Variants in SEMA5A observed in about 807,000 individuals in gnomAD.
The protein encoded by SEMA5A is semaphorin 5A.
In SEMA5A, 55 loss-of-function variants were observed where a neutral mutation model predicts 135.5. That is an observed-to-expected ratio of 0.41 (90% CI 0.33 to 0.51). The LOEUF is 0.51. SEMA5A is among the 20% of genes least tolerant of loss of function. The pLI is 0.37. For synonymous variants in SEMA5A, 580 were observed against 546.5 expected (o/e 1.06, Z -0.85); for missense variants, 1,290 against 1,419.9 (o/e 0.91, Z 1.47).
chr5:9,453,496 G>T (rs1362934857), intron 1 of SEMA5A, among the ~76,000 whole-genome samples: 1 of 152,154 alleles, frequency 6.6e-6, no homozygotes. Flanking sequence ...GTGCAGGAAG[G>T]CTGTGATGTG....
At chr5:9,536,880 C>G (rs1278336182) in intron 1 of SEMA5A, among the ~76,000 whole-genome samples, 1 of 152,166 alleles carries the variant, frequency 6.6e-6, no homozygotes, top group Admixed American at 6.5e-5. Flanking sequence ...AACTTCAGAA[C>G]AGTGACAGGA....
rs1735771546 is a variant in SEMA5A, at chr5:9,038,451, T to C, written c.*4446A>G. ...TGAAGTGTAAAGGATACCCGGACCC[T>C]AAAGAAAGCTGATGGTTCAGGGACA... On this transcript the variant is annotated 3_prime_UTR_variant, in exon 23 of 23. Coordinates refer to ENST00000382496, the MANE Select transcript of SEMA5A (RefSeq NM_003966.3). 1 of 152,136 alleles carries C rather than the reference T, an allele frequency of 6.6e-6. No individual in the cohort carries two copies. Among genetic ancestry groups the C allele is most frequent in the Non-Finnish European group, 1.5e-5 (1 of 68,030 alleles). The allele number at this position is 152,136 out of a possible 1,614,324, so 9.4% of individuals were successfully genotyped here.
rs145483056 is a variant in SEMA5A at position 9,410,194 on chromosome 5, GA to G, written c.-78+27561del. On this transcript the variant is annotated intron_variant, in intron 2 of 22. Transcript: ENST00000382496. ...ATTCACCTATACCTATAATAACTGG[GA>G]AAAAAATCATATGATCATGTAGGTC... is the stretch of plus-strand genomic sequence containing the variant. Among the ~76,000 whole-genome samples the G allele has an allele frequency of 5.3e-5, 8 of 151,646 alleles. No individual in the cohort carries two copies. In the South Asian group the frequency reaches 6.3e-4, roughly 12 times the overall value.
chr5:9,442,875 G>C (rs1477526313), intron 1 of SEMA5A, among the ~76,000 whole-genome samples: 1 of 152,090 alleles, frequency 6.6e-6, no homozygotes, highest in Non-Finnish European at 1.5e-5. Flanking sequence ...TGAATTTAGG[G>C]CAATAAACTA....
intron 5 of SEMA5A, among the ~76,000 whole-genome samples, chr5:9,282,559 A>T (rs1750595045): frequency 6.6e-6 from 1 of 152,208 alleles, no homozygotes; most frequent in Admixed American, 6.5e-5. Flanking sequence ...GCATTATATG[A>T]CGTATATTTA....
At chr5:9,397,197 G>C (rs1756444795) in intron 2 of SEMA5A, among the ~76,000 whole-genome samples, 1 of 152,254 alleles carries the variant, frequency 6.6e-6, no homozygotes, top group African/African-American at 2.4e-5. Context: ...CACACACATA[G>C]TTGCACACCC....
At chr5:9,323,155 T>C (rs1424841679) in intron 4 of SEMA5A, among the ~76,000 whole-genome samples, 1 of 152,184 alleles carries the variant, frequency 6.6e-6, no homozygotes, top group African/African-American at 2.4e-5. Context: ...TCTTAACTTA[T>C]AAAATGAAAG....
chr5:9,305,302 G>A (rs1751806747), intron 5 of SEMA5A, among the ~76,000 whole-genome samples: 1 of 151,940 alleles, frequency 6.6e-6, no homozygotes, highest in African/African-American at 2.4e-5. Context: ...AATAATCTAT[G>A]AAGCCTTTTG....
At chr5:9,078,882 C>T (rs1738216437) in intron 16 of SEMA5A, among the ~76,000 whole-genome samples, 1 of 151,888 alleles carries the variant, frequency 6.6e-6, no homozygotes, top group Non-Finnish European at 1.5e-5. Flanking sequence ...GCAGCATAGG[C>T]CACTAATAGT....
At chr5:9,374,043 T>C (rs553691168) in intron 3 of SEMA5A, among the ~76,000 whole-genome samples, 2 of 152,344 alleles carry the variant, frequency 1.3e-5, no homozygotes, top group South Asian at 4.1e-4. Context: ...CCCCTCTTTA[T>C]TGGAATAGAC....
chr5:9,528,264 C>T (rs930558485), intron 1 of SEMA5A, among the ~76,000 whole-genome samples: 1 of 152,168 alleles, frequency 6.6e-6, no homozygotes, highest in Non-Finnish European at 1.5e-5. Context: ...TAGCAACGAA[C>T]CCTCAAGCCA....
At chr5:9,319,990 T>C (rs1257908415) in intron 4 of SEMA5A, among the ~76,000 whole-genome samples, 1 of 152,050 alleles carries the variant, frequency 6.6e-6, no homozygotes, top group Non-Finnish European at 1.5e-5. Context: ...AAGCCGGCAC[T>C]CAGAAGCACA....
intron 5 of SEMA5A, among the ~76,000 whole-genome samples, chr5:9,259,783 G>C (rs1217767398): frequency 3.4e-5 from 3 of 89,486 alleles, no homozygotes. Context: ...GCCTACAAGA[G>C]AAAGCAGGAA....
chr5:9,420,869 A>G (rs1227108673), intron 2 of SEMA5A, among the ~76,000 whole-genome samples: 1 of 152,122 alleles, frequency 6.6e-6, no homozygotes, highest in Non-Finnish European at 1.5e-5. Context: ...ATAAAAAATT[A>G]GCCAGGCATG....
At chr5:9,135,395 A>T (rs1396881416) in intron 13 of SEMA5A, among the ~76,000 whole-genome samples, 10 of 151,714 alleles carry the variant, frequency 6.6e-5, no homozygotes, top group Admixed American at 6.6e-4. Flanking sequence ...GTTAGCCAGG[A>T]TGGTCTCGAT....
intron 16 of SEMA5A, among the ~76,000 whole-genome samples, chr5:9,075,631 C>T (rs1738012505): frequency 6.6e-6 from 1 of 150,654 alleles, no homozygotes; most frequent in Admixed American, 6.6e-5. Flanking sequence ...TGCATAGAGA[C>T]AGAAAGCAAT....
intron 5 of SEMA5A, among the ~76,000 whole-genome samples, chr5:9,308,382 C>T (rs958780079): frequency 2.6e-5 from 4 of 152,116 alleles, no homozygotes; most frequent in South Asian, 4.1e-4. Flanking sequence ...ACAGCCCTTG[C>T]CTCAAATGGG....
intron 1 of SEMA5A, among the ~76,000 whole-genome samples, chr5:9,459,042 A>G (rs986532904): frequency 1.4e-4 from 21 of 152,328 alleles, no homozygotes; most frequent in Middle Eastern, 3.4e-3. Context: ...TATCAATGCC[A>G]GTGGCAATAA....
At chr5:9,405,489 T>C (rs1241701705) in intron 2 of SEMA5A, among the ~76,000 whole-genome samples, 6 of 152,114 alleles carry the variant, frequency 3.9e-5, no homozygotes, top group African/African-American at 1.2e-4. Flanking sequence ...TCAAAGCCAA[T>C]GGGATTCTGA....
Sources: gnomAD v4.1 joint callset for allele counts (sites outside exome capture counted in the v4.1 genomes callset) on GRCh38, gnomAD v4.1.1 for gene constraint, MANE v1.5 for transcripts, NCBI Gene and HGNC (gene_info 2026-07-23, HGNC 2026-07-21) for gene names.